The following CSMD1 variants were observed in gnomAD, a reference collection of about 807,000 sequenced individuals.
The protein encoded by CSMD1 is CUB and sushi domain-containing protein 1.
A neutral mutation model predicts 417.5 loss-of-function variants in CSMD1; 213 were observed. That is an observed-to-expected ratio of 0.51 (90% CI 0.46 to 0.57). CSMD1 has a LOEUF of 0.57. CSMD1 is among the 20% of genes least tolerant of loss of function. The pLI is 0.00. For synonymous variants in CSMD1, 2,862 were observed against 1,736.8 expected (o/e 1.65, Z -16.11); for missense variants, 6,923 against 4,529.7 (o/e 1.53, Z -15.17).
At chr8:4,826,169 A>G (rs1799814092) in intron 1 of CSMD1, among the ~76,000 whole-genome samples, 1 of 152,148 alleles carries the variant, frequency 6.6e-6, no homozygotes, top group Non-Finnish European at 1.5e-5. Context: ...AGGATCTTGT[A>G]GAGACATGAG....
At chr8:3,351,504 C>A (rs185385063) in intron 21 of CSMD1, among the ~76,000 whole-genome samples, 1 of 150,648 alleles carries the variant, frequency 6.6e-6, no homozygotes, top group Non-Finnish European at 1.5e-5. Context: ...CCAGCTACTT[C>A]GGAGGCTGCT....
chr8:3,430,518 AT>A (rs1273355185), intron 12 of CSMD1, among the ~76,000 whole-genome samples: 1 of 152,136 alleles, frequency 6.6e-6, no homozygotes, highest in African/African-American at 2.4e-5. Context: ...ATGTTAAAGC[AT>A]TTTTCTGCTA....
chr8:4,694,585 G>T (rs1466917977), intron 1 of CSMD1, among the ~76,000 whole-genome samples: 1 of 151,822 alleles, frequency 6.6e-6, no homozygotes, highest in Non-Finnish European at 1.5e-5. Flanking sequence ...GGATCGTCTT[G>T]ATCTCCTGAC....
intron 3 of CSMD1, among the ~76,000 whole-genome samples, chr8:4,380,122 T>G: frequency 6.6e-6 from 1 of 152,212 alleles, no homozygotes; most frequent in East Asian, 1.9e-4. Flanking sequence ...TTCCTTGTGT[T>G]GAATTCTAAA....
intron 2 of CSMD1, among the ~76,000 whole-genome samples, chr8:4,521,709 C>G (rs1803461984): frequency 6.6e-6 from 1 of 152,086 alleles, no homozygotes; most frequent in African/African-American, 2.4e-5. Context: ...CTGGTATAAG[C>G]CAAACATTTC....
intron 18 of CSMD1, among the ~76,000 whole-genome samples, chr8:3,379,322 C>T (rs1810494227): frequency 6.6e-6 from 1 of 152,244 alleles, no homozygotes; most frequent in East Asian, 1.9e-4. Context: ...GCAATACTGT[C>T]CAAAGTAATT....
intron 1 of CSMD1, among the ~76,000 whole-genome samples, chr8:4,814,213 T>C (rs28725452): frequency 4.0e-5 from 6 of 151,284 alleles, no homozygotes; most frequent in East Asian, 4.0e-4. Context: ...TGTGTGTGTG[T>C]GTGTGCGTGT....
At chr8:4,321,740 G>T (rs186182044) in intron 3 of CSMD1, among the ~76,000 whole-genome samples, 1 of 152,052 alleles carries the variant, frequency 6.6e-6, no homozygotes, top group African/African-American at 2.4e-5. Flanking sequence ...ATTACTATAC[G>T]ATTAAGAGTA....
chr8:4,303,312 C>A lies in CSMD1; in HGVS notation c.415+116641G>T, dbSNP rs73502656. The stretch of plus-strand genomic sequence containing the variant: ...ATTTTTACTTAGTTATAACCTGGCA[C>A]TGACAAATGTATTAAAGGAAGCAAA... On this transcript the variant is annotated intron_variant, in intron 3 of 69. Transcript: ENST00000635120. 6.0e-3 allele frequency among the ~76,000 whole-genome samples: 920 copies of A among 152,082 alleles called. 9 individuals carry two copies. The highest frequency in any genetic ancestry group is 0.021 in the African/African-American group (884 of 41,508).
intron 1 of CSMD1, among the ~76,000 whole-genome samples, chr8:4,901,453 G>T (rs553510118): frequency 2.6e-5 from 4 of 152,224 alleles, no homozygotes; most frequent in South Asian, 4.2e-4. Flanking sequence ...TTAATACATA[G>T]TTGAGAATTA....
At chr8:3,605,805 C>T (rs1236395795) in intron 8 of CSMD1, among the ~76,000 whole-genome samples, 2 of 152,194 alleles carry the variant, frequency 1.3e-5, no homozygotes, top group Non-Finnish European at 2.9e-5. Context: ...CCCCCAAATT[C>T]CCTTTAGAGC....
intron 2 of CSMD1, among the ~76,000 whole-genome samples, chr8:4,617,306 C>T (rs1188605835): frequency 6.6e-6 from 1 of 152,058 alleles, no homozygotes; most frequent in Non-Finnish European, 1.5e-5. Flanking sequence ...TAAACTGATA[C>T]AGATATAACC....
chr8:4,797,700 G>T (rs1483554929), intron 1 of CSMD1, among the ~76,000 whole-genome samples: 1 of 152,108 alleles, frequency 6.6e-6, no homozygotes, highest in Non-Finnish European at 1.5e-5. Flanking sequence ...AGATTCACAA[G>T]CAACAAAGAT....
chr8:4,601,511 C>G (rs141262019), intron 2 of CSMD1, among the ~76,000 whole-genome samples: 2 of 152,080 alleles, frequency 1.3e-5, no homozygotes, highest in African/African-American at 4.8e-5. Context: ...CAAGGAGGGA[C>G]AGAGATCATA....
At chr8:3,551,598 T>TG (rs199718196) in intron 10 of CSMD1, among the ~76,000 whole-genome samples, 1 of 97,840 alleles carries the variant, frequency 1.0e-5, no homozygotes, top group African/African-American at 5.0e-5. Context: ...ATATATATAT[T>TG]TTTTTTTTTT....
chr8:4,882,408 T>C (rs1057073441), intron 1 of CSMD1, among the ~76,000 whole-genome samples: 1 of 151,636 alleles, frequency 6.6e-6, no homozygotes, highest in Non-Finnish European at 1.5e-5. Flanking sequence ...GAGTTTGGCA[T>C]TGTGTGGCTT....
At chr8:4,841,002 G>C (rs747633490) in intron 1 of CSMD1, among the ~76,000 whole-genome samples, 1 of 152,182 alleles carries the variant, frequency 6.6e-6, no homozygotes, top group Non-Finnish European at 1.5e-5. Flanking sequence ...TCTTAACTGA[G>C]CGTTTGCCGT....
intron 52 of CSMD1, among the ~76,000 whole-genome samples, chr8:3,004,993 G>C (rs1263407421): frequency 6.6e-6 from 1 of 152,092 alleles, no homozygotes; most frequent in Non-Finnish European, 1.5e-5. Context: ...ACAAAAATTA[G>C]CTGAGCAAGG....
chr8:4,684,392 T>C (rs564446130), intron 1 of CSMD1, among the ~76,000 whole-genome samples: 1 of 152,326 alleles, frequency 6.6e-6, no homozygotes, highest in East Asian at 1.9e-4. Flanking sequence ...ACTCATCAAA[T>C]TTCAATACTT....
Sources: gnomAD v4.1 joint callset for allele counts (sites outside exome capture counted in the v4.1 genomes callset) on GRCh38, gnomAD v4.1.1 for gene constraint, MANE v1.5 for transcripts, NCBI Gene and HGNC (gene_info 2026-07-23, HGNC 2026-07-21) for gene names.